CRYL1: variants seen among roughly 807,000 people sequenced by gnomAD.
CRYL1 encodes crystallin lambda 1.
A neutral mutation model predicts 36.6 loss-of-function variants in CRYL1; 29 were observed. The observed-to-expected ratio is 0.79, with a 90% CI of 0.59 to 1.08. The LOEUF (loss-of-function observed/expected upper bound fraction) is 1.08. Ranked by LOEUF, CRYL1 falls within the 50% of genes least tolerant of loss-of-function variation. The pLI is 0.00. For missense variants in CRYL1, 411 were observed against 407.9 expected (o/e 1.01, Z -0.06); for synonymous variants, 152 against 151.5 (o/e 1.00, Z -0.02).
At chr13:20,502,110 C>G (rs2033713725) in intron 2 of CRYL1, among the ~76,000 whole-genome samples, 2 of 152,164 alleles carry the variant, frequency 1.3e-5, no homozygotes, top group Non-Finnish European at 2.9e-5. Flanking sequence ...GCATGCCTAT[C>G]TCCAAAGACT....
intron 5 of CRYL1, among the ~76,000 whole-genome samples, chr13:20,420,704 TGTG>T (rs1331682593): frequency 0.24 from 26,380 of 109,502 alleles, 9,315 homozygotes; most frequent in East Asian, 0.43. Flanking sequence ...ATAGAGGTTG[TGTG>T]TGTGTGTGTG....
At chr13:20,443,080 T>C (rs973266002) in intron 3 of CRYL1, among the ~76,000 whole-genome samples, 1 of 152,226 alleles carries the variant, frequency 6.6e-6, no homozygotes. Flanking sequence ...GCATTACTTT[T>C]AGTGCTCTCT....
At chr13:20,508,869 AAAAAAAC>A (rs1565988296) in intron 2 of CRYL1, among the ~76,000 whole-genome samples, 291 of 15,554 alleles carry the variant, frequency 0.019, 69 homozygotes, top group Non-Finnish European at 0.064. Context: ...AAAAAAAAAA[AAAAAAAC>A]AAAAAAAAAA....
chr13:20,506,554 T>C (rs925465121), intron 2 of CRYL1, among the ~76,000 whole-genome samples: 1 of 151,992 alleles, frequency 6.6e-6, no homozygotes, highest in Admixed American at 6.6e-5. Context: ...AAAAAACTTA[T>C]CCACAACCCT....
At chr13:20,451,708 T>G (rs769418385) in intron 3 of CRYL1, among the ~76,000 whole-genome samples, 13 of 152,232 alleles carry the variant, frequency 8.5e-5, no homozygotes, top group Non-Finnish European at 1.6e-4. Context: ...GTTCAGCCAC[T>G]GTGGAAAGCA....
chr13:20,431,741 T>C (rs1297308011), intron 5 of CRYL1: 1 of 1,171,994 alleles, frequency 8.5e-7, no homozygotes, highest in East Asian at 5.7e-5. Flanking sequence ...TTTTTTTCCT[T>C]TTGAAAAATT....
intron 2 of CRYL1, among the ~76,000 whole-genome samples, chr13:20,490,210 G>A (rs1480238273): frequency 6.6e-6 from 1 of 152,172 alleles, no homozygotes; most frequent in East Asian, 1.9e-4. Flanking sequence ...GGCCAGCATG[G>A]TGAAACCTCA....
chr13:20,459,103 G>A (rs944775444), intron 3 of CRYL1, among the ~76,000 whole-genome samples: 3 of 151,992 alleles, frequency 2.0e-5, no homozygotes, highest in Non-Finnish European at 2.9e-5. Flanking sequence ...GGGCGTGGTG[G>A]CGGGTGCCTG....
chr13:20,404,663 GA>G lies in CRYL1; in HGVS notation c.817del (p.Ser273ProfsTer14). ...LQTFGPIPEFSRATAEKVNQD... is the reference protein window; with the variant it reads ...LQTFGPIPEFXRATAEKVNQD... ...GTTAACCTTCTCAGCAGTGGCCCTG[GA>G]AAACTCTGGAATGGGTCCAAAAGTC... On this transcript the variant is annotated frameshift_variant, in exon 7 of 8. Coordinates refer to ENST00000298248, the MANE Select transcript of CRYL1 (RefSeq NM_015974.3). LOFTEE classifies it low-confidence loss of function (END_TRUNC). The G allele has an allele frequency of 6.2e-7, 1 of 1,613,730 alleles. No individual in the cohort carries two copies. Among genetic ancestry groups the G allele is most frequent in the South Asian group, 1.1e-5 (1 of 91,072 alleles).
At position 20,416,011 on chromosome 13, in the gene CRYL1, G is replaced by A. The variant is rs546153276; in HGVS notation, c.634-2624C>T. Among the ~76,000 whole-genome samples the A allele has an allele frequency of 2.8e-4, 42 of 152,268 alleles. No homozygotes were observed. In the South Asian group the frequency reaches 3.5e-3, roughly 13 times the overall value. ...GTGAGCAGGGCAGCCAGGGTCACGC[G>A]CACAGGGCCCGGGCCGCGGCTGGGG... On this transcript the variant is annotated intron_variant, in intron 5 of 7. Coordinates refer to ENST00000298248, the MANE Select transcript of CRYL1 (RefSeq NM_015974.3).
rs2031652624 is a variant in CRYL1, at chr13:20,415,983, C to T, written c.634-2596G>A. ...ATGAGCCTTTGGCTAGTCTGGGGCT[C>T]CTGTGAGCAGGGCAGCCAGGGTCAC... On this transcript the variant is annotated intron_variant, in intron 5 of 7. Coordinates refer to ENST00000298248, the MANE Select transcript of CRYL1 (RefSeq NM_015974.3). This position sits in a 1 kb window ranked among gnomAD's most constrained non-coding sequence, Gnocchi z 4.1. 6.6e-6 allele frequency among the ~76,000 whole-genome samples: 1 copy of T among 152,330 alleles called. No homozygotes were observed. The highest frequency in any genetic ancestry group is 3.4e-3 in the Middle Eastern group (1 of 294).
In CRYL1 at chr13:20,414,257, G is replaced by T. The variant is rs7996163; in HGVS notation, c.634-870C>A. On this transcript the variant is annotated intron_variant, in intron 5 of 7. Transcript: ENST00000298248. Reference sequence around the variant, plus strand: ...TGTATACACTAAAAAGAGATTTTTTGTGTGTGTGTGTGTGTGTGTGAAATG... The same window carrying T: ...TGTATACACTAAAAAGAGATTTTTTTTGTGTGTGTGTGTGTGTGTGAAATG... Among the ~76,000 whole-genome samples, 93,720 of 145,440 alleles carry T rather than the reference G, an allele frequency of 0.64. 30,715 individuals carry two copies. The highest frequency in any genetic ancestry group is 0.87 in the East Asian group (4,388 of 5,052).
In CRYL1 at chr13:20,504,827, A is replaced by C. The variant is rs547932836; in HGVS notation, c.149+7616T>G. On this transcript the variant is annotated intron_variant, in intron 2 of 7. Transcript: ENST00000298248. ...AGCTTTTTGTTTTTCAAGTTCACTA[A>C]GATCCCTTGGCATGGTATGAGTTGT... 2.0e-5 allele frequency among the ~76,000 whole-genome samples: 3 copies of C among 152,214 alleles called. No individual in the cohort carries two copies. In the South Asian group the frequency reaches 6.2e-4, roughly 31 times the overall value.
chr13:20,417,295 AATAATCATT>A (rs1429150206), intron 5 of CRYL1, among the ~76,000 whole-genome samples: 2 of 152,224 alleles, frequency 1.3e-5, no homozygotes, highest in African/African-American at 2.4e-5. Context: ...AACAATGACA[AATAATCATT>A]TGTCATTGAT....
At chr13:20,410,852 A>T (rs866929346) in intron 6 of CRYL1, among the ~76,000 whole-genome samples, 3 of 152,194 alleles carry the variant, frequency 2.0e-5, no homozygotes, top group Non-Finnish European at 4.4e-5. Flanking sequence ...GCCCAAGGTT[A>T]TACAGCCAGT....
At chr13:20,488,800 G>A (rs904831064) in intron 3 of CRYL1, among the ~76,000 whole-genome samples, 1 of 152,234 alleles carries the variant, frequency 6.6e-6, no homozygotes, top group African/African-American at 2.4e-5. Context: ...TCCAGGAGCG[G>A]GATGCCTGGA....
chr13:20,502,705 G>A (rs891281847), intron 2 of CRYL1, among the ~76,000 whole-genome samples: 1 of 152,202 alleles, frequency 6.6e-6, no homozygotes, highest in Non-Finnish European at 1.5e-5. Flanking sequence ...GGTAACACTG[G>A]GATCTGGGTA....
At chr13:20,457,060 T>C (rs906390232) in intron 3 of CRYL1, among the ~76,000 whole-genome samples, 4 of 152,010 alleles carry the variant, frequency 2.6e-5, no homozygotes, top group Admixed American at 6.6e-5. Context: ...CAGCTTCCAG[T>C]CCCAGCTTGA....
chr13:20,443,019 G>A (rs756618391), intron 3 of CRYL1, among the ~76,000 whole-genome samples: 1 of 152,140 alleles, frequency 6.6e-6, no homozygotes, highest in Non-Finnish European at 1.5e-5. Flanking sequence ...TTTAGACACT[G>A]GTGTTTCCCT....
Sources: gnomAD v4.1 joint callset for allele counts (sites outside exome capture counted in the v4.1 genomes callset) on GRCh38, gnomAD v4.1.1 for gene constraint, Gnocchi (gnomAD v3.1) non-coding constraint, MANE v1.5 for transcripts, NCBI Gene and HGNC (gene_info 2026-07-23, HGNC 2026-07-21) for gene names.